PNPLA6: variants seen among roughly 807,000 people sequenced by gnomAD.
PNPLA6 encodes the protein patatin-like phospholipase domain-containing protein 6.
Under a neutral mutation model 153.7 loss-of-function variants are expected in PNPLA6, and 105 were observed. The observed-to-expected ratio is 0.68, with a 90% CI of 0.58 to 0.80. PNPLA6 has a LOEUF of 0.80. PNPLA6 is among the 30% of genes least tolerant of loss of function. PNPLA6 has a pLI of 0.00. For missense variants in PNPLA6, 1,423 were observed against 1,919.3 expected (o/e 0.74, Z 4.83); for synonymous variants, 825 against 822.2 (o/e 1.00, Z -0.06).
At chr19:7,547,911 C>T (rs1440650453) in intron 13 of PNPLA6, among the ~76,000 whole-genome samples, 2 of 147,230 alleles carry the variant, frequency 1.4e-5, no homozygotes, top group Non-Finnish European at 3.0e-5. Context: ...GATCTTCACA[C>T]CTAGGCCTCT....
chr19:7,551,748 A>T (rs2023661924), intron 18 of PNPLA6, among the ~76,000 whole-genome samples: 2 of 152,140 alleles, frequency 1.3e-5, no homozygotes, highest in African/African-American at 2.4e-5. Context: ...CCCGGGAGTC[A>T]GGGCTTGCTG....
chr19:7,535,723 CG>C lies in PNPLA6; in HGVS notation c.-63del. On this transcript the variant is annotated 5_prime_UTR_variant, in exon 1 of 32. Transcript: ENST00000600737. The surrounding 1 kb of genome is among the most constrained non-coding windows in gnomAD (Gnocchi z 5.0). ...GAACTACGTTTCCCGGCATGCACTG[CG>C]GGCCGCCGGGCCTCAGGGAAGAGTC... 1 of 1,518,182 alleles carries C rather than the reference CG, an allele frequency of 6.6e-7. No homozygotes were observed. The highest frequency in any genetic ancestry group is 8.8e-7 in the Non-Finnish European group (1 of 1,132,936). The allele number at this position is 1,518,182 out of a possible 1,614,324, so 94.0% of individuals were successfully genotyped here. A position where few individuals can be genotyped will look rare whatever the true frequency, so the allele number is the denominator to read the frequency against.
rs896789644 is a variant in PNPLA6, at chr19:7,541,772, C to T, written c.1168+88C>T. The stretch of plus-strand genomic sequence containing the variant: ...CCCCTTTTTCAGTTCTGCATAGAGT[C>T]AACCTGACCTTGTCCAGCCCCACAG... On this transcript the variant is annotated intron_variant, in intron 9 of 31. Transcript: ENST00000600737. This position sits in a 1 kb window ranked among gnomAD's most constrained non-coding sequence, Gnocchi z 5.2. 1 of 1,417,068 alleles carries T rather than the reference C, an allele frequency of 7.1e-7. No homozygotes were observed. Among genetic ancestry groups the T allele is most frequent in the Middle Eastern group, 1.8e-4 (1 of 5,454 alleles). The allele number at this position is 1,417,068 out of a possible 1,614,324, so 87.8% of individuals were successfully genotyped here.
chr19:7,553,187 T>C (rs1186575626), intron 18 of PNPLA6, among the ~76,000 whole-genome samples: 3 of 151,692 alleles, frequency 2.0e-5, no homozygotes, highest in Admixed American at 1.3e-4. Context: ...GTCTAGGCTG[T>C]TAGTGGAGAA....
Position 7,551,208 on chromosome 19 carries a change from G to A in PNPLA6, c.2184+101G>A, listed in dbSNP as rs534278435. 1.4e-5 allele frequency: 13 copies of A among 915,790 alleles called. 1 individual carries two copies. The highest frequency in any genetic ancestry group is 2.2e-5 in the Non-Finnish European group (13 of 582,176). 56.7% of individuals were successfully genotyped at this position (915,790 alleles called of 1,614,324 possible). A position where few individuals can be genotyped will look rare whatever the true frequency, so the allele number is the denominator to read the frequency against. ...GCGGGGCTTACAGAGGGGCGGGGTC[G>A]AGGGAGGGGCCGAAGCGAGAGAGTG... On this transcript the variant is annotated intron_variant, in intron 17 of 31. Coordinates refer to ENST00000600737, the MANE Select transcript of PNPLA6 (RefSeq NM_001166114.2).
At position 7,555,813 on chromosome 19, in the gene PNPLA6, C is replaced by G; in HGVS notation, c.3093+50C>G. ...TGCACCCCAGGAGTGCCATAAAACC[C>G]GTGGTTCCAACCTAACCTGATCCCA... On this transcript the variant is annotated intron_variant, in intron 24 of 31. Transcript: ENST00000600737. This position sits in a 1 kb window ranked among gnomAD's most constrained non-coding sequence, Gnocchi z 6.3. 1 of 1,599,606 alleles carries G rather than the reference C, an allele frequency of 6.3e-7. No homozygotes were observed. The highest frequency in any genetic ancestry group is 8.5e-7 in the Non-Finnish European group (1 of 1,173,292).
At chr19:7,561,381 AG>A (rs1320860260) in intron 31 of PNPLA6, 64 bp downstream of exon 31, 9 of 1,444,532 alleles carry the variant, frequency 6.2e-6, no homozygotes, top group African/African-American at 2.8e-5. Flanking sequence ...AGTGTCAGGC[AG>A]GGGAGCCGGG....
At chr19:7,549,854 C>T in intron 13 of PNPLA6, 53 bp from the exon 14 acceptor site, 1 of 1,554,630 alleles carries the variant, frequency 6.4e-7, no homozygotes, top group Non-Finnish European at 8.9e-7. Flanking sequence ...TTGACCTGAG[C>T]TGGGGTCCAC....
chr19:7,535,559 T>C, upstream of PNPLA6: 1 of 1,604,592 alleles, frequency 6.2e-7, no homozygotes, highest in Non-Finnish European at 8.5e-7. The surrounding 1 kb of genome is among the most constrained non-coding windows in gnomAD (Gnocchi z 5.0). Flanking sequence ...CGATGGAGGC[T>C]CCGCTGCAAA....
intron 18 of PNPLA6, 103 bp from the exon 19 acceptor site, chr19:7,553,772 C>T: frequency 6.7e-7 from 1 of 1,483,712 alleles, no homozygotes; most frequent in African/African-American, 1.4e-5. Context: ...AGCACAGGAG[C>T]AAGAATTTCA....
chr19:7,543,761 A>C (rs1178270396), intron 13 of PNPLA6, among the ~76,000 whole-genome samples: 1 of 152,148 alleles, frequency 6.6e-6, no homozygotes, highest in Admixed American at 6.5e-5. Context: ...GGAATGAGGT[A>C]ATAAAGAAGA....
At chr19:7,553,777 A>G in intron 18 of PNPLA6, 98 bp from the exon 19 acceptor site, 1 of 1,525,316 alleles carries the variant, frequency 6.6e-7, no homozygotes. Flanking sequence ...AGGAGCAAGA[A>G]TTTCAGATAA....
chr19:7,558,820 A>C, intron 27 of PNPLA6, 30 bp from the exon 28 acceptor site: 1 of 1,577,062 alleles, frequency 6.3e-7, no homozygotes, highest in Non-Finnish European at 8.6e-7. Flanking sequence ...CCCCGAGGGG[A>C]GCAGCCCGCT....
chr19:7,534,904 T>A (rs2022765979), upstream of PNPLA6: 1 of 160,088 alleles, frequency 6.2e-6, no homozygotes, highest in South Asian at 1.6e-4. Context: ...TTCTGAAACG[T>A]GGGTATCAGA....
At chr19:7,543,894 A>G (rs1156413690) in intron 13 of PNPLA6, among the ~76,000 whole-genome samples, 3 of 150,834 alleles carry the variant, frequency 2.0e-5, no homozygotes, top group African/African-American at 7.3e-5. Context: ...GCTCACTGCA[A>G]GCTCCGCCTC....
rs558004229 is a variant in PNPLA6 at position 7,540,266 on chromosome 19, C to T, written c.672C>T (p.Tyr224=). The change falls in exon 5 of 32, where the codon TAC becomes TAT. Residue 224 remains tyrosine, a synonymous_variant. Coordinates refer to ENST00000600737, the MANE Select transcript of PNPLA6 (RefSeq NM_001166114.2). The surrounding 1 kb of genome is among the most constrained non-coding windows in gnomAD (Gnocchi z 6.8). ...CGGGCCAGCCAGATGCCAGCATCTACGTGGTGCAGGACGGGCTGCTGGAGC... is the reference window on the plus strand; with the variant it reads ...CGGGCCAGCCAGATGCCAGCATCTATGTGGTGCAGGACGGGCTGCTGGAGC... ...FRPGQPDASI[Y]VVQDGLLELC... The T allele has an allele frequency of 2.5e-6, 4 of 1,609,076 alleles. No individual in the cohort carries two copies. Among genetic ancestry groups the T allele is most frequent in the East Asian group, 2.2e-5 (1 of 44,890 alleles).
intron 16 of PNPLA6, 69 bp downstream of exon 16, chr19:7,550,709 C>T: frequency 1.3e-6 from 2 of 1,578,210 alleles, no homozygotes; most frequent in Non-Finnish European, 1.7e-6. Flanking sequence ...TCACACACAT[C>T]ATCCCGGGTA....
chr19:7,549,607 G>T, intron 13 of PNPLA6: 1 of 443,592 alleles, frequency 2.3e-6, no homozygotes, highest in African/African-American at 2.0e-5. Context: ...TCTTGCCTCA[G>T]CTTCCTGAGT....
chr19:7,544,675 G>A (rs1345600423), intron 13 of PNPLA6, among the ~76,000 whole-genome samples: 2 of 152,048 alleles, frequency 1.3e-5, no homozygotes, highest in Non-Finnish European at 2.9e-5. Flanking sequence ...GAGAAGCCTG[G>A]GGCAGGGTTG....
Sources: gnomAD v4.1 joint callset for allele counts (sites outside exome capture counted in the v4.1 genomes callset) on GRCh38, gnomAD v4.1.1 for gene constraint, Gnocchi (gnomAD v3.1) non-coding constraint, MANE v1.5 for transcripts, NCBI Gene and HGNC (gene_info 2026-07-23, HGNC 2026-07-21) for gene names.